CEP43: variants seen among roughly 807,000 people sequenced by gnomAD.
CEP43 encodes the protein centrosomal protein 43.
Under a neutral mutation model 52.6 loss-of-function variants are expected in CEP43, and 36 were observed. That is an observed-to-expected ratio of 0.68 (90% CI 0.52 to 0.90). CEP43 has a LOEUF of 0.90. Among genes scored for constraint, CEP43 ranks in the 40% least tolerant of loss-of-function variants. The pLI, the probability that CEP43 is intolerant of heterozygous loss-of-function variation, is 0.00. For missense variants in CEP43, 506 were observed against 472.8 expected (o/e 1.07, Z -0.65); for synonymous variants, 192 against 172.4 (o/e 1.11, Z -0.89).
intron 2 of CEP43, among the ~76,000 whole-genome samples, chr6:167,000,401 G>A (rs1055848360): frequency 6.6e-6 from 1 of 152,160 alleles, no homozygotes; most frequent in Non-Finnish European, 1.5e-5. Flanking sequence ...AATGTGTTAA[G>A]TGCAGGTTCA....
Position 167,039,929 on chromosome 6 carries a change from C to G in CEP43, c.1151C>G (p.Thr384Ser). ...CTTGATGACCTCACACAAGATCTGA[C>G]TGTATCCCAGCTCAGTGATGTTGCG... ...DKLDDLTQDL[T>S]VSQLSDVADY... The change falls in exon 13 of 13, where the codon ACT (threonine) becomes AGT (serine). Residue 384 changes from threonine (T) to serine (S), a missense_variant. Thr to Ser is a moderately conservative substitution (Grantham distance 58, BLOSUM62 1). Coordinates refer to ENST00000366847, the MANE Select transcript of CEP43 (RefSeq NM_007045.4). The G allele has an allele frequency of 6.2e-7, 1 of 1,613,616 alleles. No homozygotes were observed. The highest frequency in any genetic ancestry group is 1.3e-5 in the African/African-American group (1 of 75,024).
At chr6:167,000,433 A>G (rs767573107) in intron 2 of CEP43, among the ~76,000 whole-genome samples, 2 of 152,304 alleles carry the variant, frequency 1.3e-5, no homozygotes, top group African/African-American at 4.8e-5. Flanking sequence ...TAGTAAGCTA[A>G]TATGTTATTA....
intron 12 of CEP43, among the ~76,000 whole-genome samples, chr6:167,038,101 A>G (rs977126531): frequency 1.8e-4 from 27 of 152,220 alleles, no homozygotes; most frequent in African/African-American, 6.5e-4. Context: ...CCCAGCCTGC[A>G]TTATGCTTAC....
chr6:167,036,188 A>T, intron 12 of CEP43: 2 of 985,374 alleles, frequency 2.0e-6, no homozygotes, highest in Non-Finnish European at 2.4e-6. Context: ...CAGAAGCAGG[A>T]ACTAATATTT....
At position 167,052,296 on chromosome 6, in the gene CEP43, A is replaced by G. The variant is rs568423421; in HGVS notation, c.*12318A>G. 4 of 152,188 alleles carry G rather than the reference A, an allele frequency of 2.6e-5. No homozygotes were observed. The highest frequency in any genetic ancestry group is 6.5e-5 in the Admixed American group (1 of 15,298). 9.4% of individuals were successfully genotyped at this position (152,188 alleles called of 1,614,324 possible). A position where few individuals can be genotyped will look rare whatever the true frequency, so the allele number is the denominator to read the frequency against. On this transcript the variant is annotated 3_prime_UTR_variant, in exon 13 of 13. Transcript: ENST00000366847. ...CCCAAGAATACTATTCTACTTATTTATATAATTTTATGTTTTTTAAAGAAC... is the reference window on the plus strand; with the variant it reads ...CCCAAGAATACTATTCTACTTATTTGTATAATTTTATGTTTTTTAAAGAAC...
chr6:167,001,206 TC>T (rs1779727942), intron 2 of CEP43, among the ~76,000 whole-genome samples: 1 of 152,254 alleles, frequency 6.6e-6, no homozygotes, highest in Non-Finnish European at 1.5e-5. Flanking sequence ...TATCTGTACC[TC>T]TTTCCTTACT....
intron 10 of CEP43, chr6:167,027,825 A>G (rs1178916234): frequency 1.0e-6 from 1 of 976,922 alleles, no homozygotes; most frequent in African/African-American, 1.8e-5. Context: ...TGCCTAGTAA[A>G]TGTTAGTTTT....
intron 12 of CEP43, chr6:167,036,004 C>G (rs1780578089): frequency 6.3e-6 from 6 of 946,812 alleles, no homozygotes; most frequent in Non-Finnish European, 7.5e-6. Context: ...GTATCTAATA[C>G]TATTATTCAT....
chr6:167,003,502 A>G, intron 3 of CEP43: 1 of 521,660 alleles, frequency 1.9e-6, no homozygotes, highest in Non-Finnish European at 3.4e-6. Flanking sequence ...GAAATCTATG[A>G]GATGATTGTC....
chr6:166,999,922 G>A, intron 1 of CEP43, 138 bp from the exon 2 acceptor site: 1 of 651,960 alleles, frequency 1.5e-6, no homozygotes, highest in East Asian at 2.8e-5. Flanking sequence ...GACTGAGAAC[G>A]TTTCGGAAGG....
chr6:167,028,644 A>G (rs1780402978), intron 10 of CEP43: 1 of 262,352 alleles, frequency 3.8e-6, no homozygotes, highest in Non-Finnish European at 5.9e-6. Flanking sequence ...TGTACCAAGG[A>G]ATTATTTTAT....
At chr6:167,014,658 A>G (rs561050772) in intron 7 of CEP43, among the ~76,000 whole-genome samples, 28 of 152,334 alleles carry the variant, frequency 1.8e-4, no homozygotes, top group African/African-American at 6.3e-4. Context: ...AGGAGTTTCA[A>G]AGGTAAATTC....
intron 12 of CEP43, among the ~76,000 whole-genome samples, chr6:167,035,574 T>C (rs1417744719): frequency 6.6e-6 from 1 of 151,406 alleles, no homozygotes; most frequent in Non-Finnish European, 1.5e-5. Flanking sequence ...TTTTTTTGTT[T>C]TTTTTTTTTT....
intron 12 of CEP43, chr6:167,036,438 GTC>G (rs1476083595): frequency 6.7e-5 from 66 of 985,320 alleles, no homozygotes; most frequent in Non-Finnish European, 7.8e-5. Flanking sequence ...GGGGAGGGTA[GTC>G]TCTGCACGGG....
At chr6:167,011,633 C>T (rs1779988168) in intron 6 of CEP43, 1 of 152,436 alleles carries the variant, frequency 6.6e-6, no homozygotes, top group African/African-American at 2.4e-5. Context: ...TCTGTTCAGG[C>T]TGCCAAGTAC....
At chr6:167,038,846 G>T (rs947345583) in intron 12 of CEP43, among the ~76,000 whole-genome samples, 4 of 152,044 alleles carry the variant, frequency 2.6e-5, no homozygotes, top group African/African-American at 9.7e-5. Flanking sequence ...GGTGGTGTTT[G>T]GTTGCATGAA....
chr6:167,039,925 C>G lies in CEP43; in HGVS notation c.1147C>G (p.Leu383Val). 6.2e-7 allele frequency: 1 copy of G among 1,613,588 alleles called. No homozygotes were observed. Among genetic ancestry groups the G allele is most frequent in the Non-Finnish European group, 8.5e-7 (1 of 1,179,528 alleles). The change falls in exon 13 of 13, where the codon CTG (leucine) becomes GTG (valine). Residue 383 changes from leucine to valine, a missense_variant. Physicochemically the swap from Leu to Val is conservative, Grantham distance 32. Transcript: ENST00000366847. ...SDKLDDLTQD[L>V]TVSQLSDVAD... ...AAAGCTTGATGACCTCACACAAGATCTGACTGTATCCCAGCTCAGTGATGT... is the reference window on the plus strand; with the variant it reads ...AAAGCTTGATGACCTCACACAAGATGTGACTGTATCCCAGCTCAGTGATGT...
chr6:167,009,499 CAAAAAAAAAAAAAAAA>C (rs139374939), intron 5 of CEP43, among the ~76,000 whole-genome samples: 3 of 44,126 alleles, frequency 6.8e-5, no homozygotes, highest in East Asian at 7.2e-4. Context: ...GACTCTGTCT[CAAAAAAAAAAAAAAAA>C]AAAAAAAAAA....
intron 12 of CEP43, among the ~76,000 whole-genome samples, chr6:167,035,896 C>G (rs1416763492): frequency 1.3e-5 from 2 of 152,150 alleles, no homozygotes; most frequent in Non-Finnish European, 2.9e-5. Flanking sequence ...CCTTGGGTCT[C>G]ACATCTATTT....
Sources: gnomAD v4.1 joint callset for allele counts (sites outside exome capture counted in the v4.1 genomes callset) on GRCh38, gnomAD v4.1.1 for gene constraint, MANE v1.5 for transcripts, NCBI Gene and HGNC (gene_info 2026-07-23, HGNC 2026-07-21) for gene names.